Variants in PIGK observed in about 807,000 individuals in gnomAD.
PIGK encodes the protein phosphatidylinositol glycan anchor biosynthesis class K.
PIGK carries 42 observed loss-of-function variants against 50.6 expected under a neutral mutation model. The ratio of observed to expected loss-of-function variants is 0.83; its 90% CI spans 0.65 to 1.07. The LOEUF is 1.07. Among genes scored for constraint, PIGK ranks in the 50% least tolerant of loss-of-function variants. The pLI is 0.00. For synonymous variants in PIGK, 151 were observed against 156.0 expected (o/e 0.97, Z 0.24); for missense variants, 448 against 488.7 (o/e 0.92, Z 0.78).
intron 10 of PIGK, among the ~76,000 whole-genome samples, chr1:77,113,258 T>C (rs913981815): frequency 6.6e-6 from 1 of 152,108 alleles, no homozygotes; most frequent in Admixed American, 6.6e-5. Context: ...ACTAAGTTGA[T>C]GAAGATGTAA....
chr1:77,184,594 AT>A (rs754584234), intron 3 of PIGK, among the ~76,000 whole-genome samples: 7 of 152,124 alleles, frequency 4.6e-5, no homozygotes, highest in African/African-American at 7.2e-5. Flanking sequence ...TCAAAACATC[AT>A]TGTGGTCCTC....
rs1022466794 is a variant in PIGK, at chr1:77,089,370, G to C, written c.*3004C>G. ...CATTGTTTTATAGCCATATCTTGTG[G>C]TATGTTTATAACGTATTTCTTTCAC... is the stretch of plus-strand genomic sequence containing the variant. On this transcript the variant is annotated 3_prime_UTR_variant, in exon 11 of 11. Coordinates refer to ENST00000370812, the MANE Select transcript of PIGK (RefSeq NM_005482.3). 25 of 152,152 alleles carry C rather than the reference G, an allele frequency of 1.6e-4. No homozygotes were observed. Among genetic ancestry groups the C allele is most frequent in the Non-Finnish European group, 3.5e-4 (24 of 68,028 alleles). The allele number at this position is 152,152 out of a possible 1,614,324, so 9.4% of individuals were successfully genotyped here. A position where few individuals can be genotyped will look rare whatever the true frequency, so the allele number is the denominator to read the frequency against.
At chr1:77,126,502 A>C (rs1028861032) in intron 9 of PIGK, among the ~76,000 whole-genome samples, 2 of 148,782 alleles carry the variant, frequency 1.3e-5, no homozygotes, top group South Asian at 4.2e-4. Flanking sequence ...GATTTGTCTT[A>C]AAAAAAAAAT....
intron 3 of PIGK, among the ~76,000 whole-genome samples, chr1:77,204,023 C>T (rs191698799): frequency 1.1e-4 from 16 of 152,232 alleles, no homozygotes; most frequent in African/African-American, 3.6e-4. Flanking sequence ...ACAATGGCTG[C>T]GATTTTCAGG....
At chr1:77,190,395 T>C (rs1446011391) in intron 3 of PIGK, among the ~76,000 whole-genome samples, 1 of 151,876 alleles carries the variant, frequency 6.6e-6, no homozygotes, top group Admixed American at 6.6e-5. Context: ...AGCAAGACCT[T>C]GTCTCAAAAA....
chr1:77,135,403 CAT>C (rs1491160401), intron 9 of PIGK, among the ~76,000 whole-genome samples: 1 of 151,862 alleles, frequency 6.6e-6, no homozygotes, highest in Non-Finnish European at 1.5e-5. Context: ...TGTGTATACA[CAT>C]ATATGTATAT....
At chr1:77,129,512 T>C (rs963937768) in intron 9 of PIGK, 3 of 1,414,606 alleles carry the variant, frequency 2.1e-6, no homozygotes, top group Middle Eastern at 2.4e-4. Context: ...ACAGAGCTCA[T>C]GGTCGGATTA....
At chr1:77,168,685 T>C (rs1431702080) in intron 4 of PIGK, among the ~76,000 whole-genome samples, 2 of 127,764 alleles carry the variant, frequency 1.6e-5, no homozygotes, top group African/African-American at 3.9e-5. Context: ...TTACTTTTGG[T>C]AGGCTTGGTA....
At chr1:77,131,487 C>T (rs1185057730) in intron 9 of PIGK, among the ~76,000 whole-genome samples, 2 of 151,974 alleles carry the variant, frequency 1.3e-5, no homozygotes, top group East Asian at 3.9e-4. Context: ...CGATTTTCAT[C>T]GAAATGCTTC....
At chr1:77,136,536 C>CAAAAAA (rs778130093) in intron 9 of PIGK, among the ~76,000 whole-genome samples, 18 of 63,668 alleles carry the variant, frequency 2.8e-4, no homozygotes, top group African/African-American at 9.9e-4. Flanking sequence ...GACTCCGTCT[C>CAAAAAA]AAAAAAAAAA....
At chr1:77,218,427 C>A (rs911145018) in intron 1 of PIGK, among the ~76,000 whole-genome samples, 4 of 152,116 alleles carry the variant, frequency 2.6e-5, no homozygotes, top group African/African-American at 9.7e-5. Flanking sequence ...TTTAAGAACT[C>A]AGATCACAAA....
chr1:77,177,372 A>C (rs974523034), intron 3 of PIGK, among the ~76,000 whole-genome samples: 14 of 152,234 alleles, frequency 9.2e-5, no homozygotes, highest in African/African-American at 3.4e-4. Context: ...GGCAAGGAAC[A>C]CCAGGCCCAC....
intron 9 of PIGK, among the ~76,000 whole-genome samples, chr1:77,149,909 T>TAA (rs980350500): frequency 6.8e-6 from 1 of 146,112 alleles, no homozygotes; most frequent in African/African-American, 2.5e-5. Flanking sequence ...TTTCTGACTA[T>TAA]AAAAAAAAAA....
chr1:77,164,473 C>T (rs1655194294), intron 5 of PIGK, among the ~76,000 whole-genome samples: 2 of 152,098 alleles, frequency 1.3e-5, no homozygotes, highest in South Asian at 4.1e-4. Context: ...GTATCTGCAA[C>T]ACTATCATTA....
chr1:77,093,770 T>C (rs1048736475), intron 10 of PIGK, among the ~76,000 whole-genome samples: 1 of 152,126 alleles, frequency 6.6e-6, no homozygotes, highest in Non-Finnish European at 1.5e-5. Flanking sequence ...TATTTTCCAC[T>C]TAAGAGTCTG....
intron 10 of PIGK, among the ~76,000 whole-genome samples, chr1:77,099,542 T>G (rs567581001): frequency 1.3e-5 from 2 of 152,266 alleles, no homozygotes; most frequent in South Asian, 4.1e-4. Context: ...TAAGAAAAAG[T>G]AACCCGGATA....
intron 1 of PIGK, among the ~76,000 whole-genome samples, chr1:77,214,243 G>T (rs1656496286): frequency 6.6e-6 from 1 of 151,978 alleles, no homozygotes; most frequent in African/African-American, 2.4e-5. Context: ...GGAAACTACA[G>T]GCCAATACCC....
chr1:77,203,054 T>C (rs1656205865), intron 3 of PIGK, among the ~76,000 whole-genome samples: 1 of 152,216 alleles, frequency 6.6e-6, no homozygotes, highest in Non-Finnish European at 1.5e-5. Context: ...TATTTTTTCA[T>C]AAACATGGCT....
intron 1 of PIGK, among the ~76,000 whole-genome samples, chr1:77,214,827 C>T (rs1656514628): frequency 6.6e-6 from 1 of 151,996 alleles, no homozygotes; most frequent in South Asian, 2.1e-4. Context: ...AATCAATAGA[C>T]AAAAATCAAT....
Sources: allele counts gnomAD v4.1 joint callset (sites outside exome capture counted in the v4.1 genomes callset), GRCh38; gene constraint gnomAD v4.1.1; transcripts MANE v1.5; gene names NCBI Gene and HGNC (gene_info 2026-07-23, HGNC 2026-07-21).